EFCAB7: variants seen among roughly 807,000 people sequenced by gnomAD.
EFCAB7 encodes the protein EF-hand calcium-binding domain-containing protein 7.
Under a neutral mutation model 77.1 loss-of-function variants are expected in EFCAB7, and 66 were observed. The observed-to-expected ratio is 0.86, with a 90% confidence interval of 0.70 to 1.05. The LOEUF (loss-of-function observed/expected upper bound fraction) is 1.05. EFCAB7 is among the 50% of genes least tolerant of loss of function. EFCAB7 has a pLI of 0.00. For missense variants in EFCAB7, 638 were observed against 730.5 expected (o/e 0.87, Z 1.46); for synonymous variants, 225 against 243.3 (o/e 0.92, Z 0.70).
At chr1:63,528,172 G>T (rs984405453) in intron 2 of EFCAB7, among the ~76,000 whole-genome samples, 1 of 152,014 alleles carries the variant, frequency 6.6e-6, no homozygotes, top group Non-Finnish European at 1.5e-5. Flanking sequence ...TGGAAGCAAC[G>T]TAAGAGTTCA....
chr1:63,574,552 C>T (rs2100934994), downstream of EFCAB7, among the ~76,000 whole-genome samples: 1 of 152,274 alleles, frequency 6.6e-6, no homozygotes, highest in Non-Finnish European at 1.5e-5. Context: ...TTGTCCTGAG[C>T]AATGGGATCT....
At chr1:63,557,623 A>C (rs945793412) in intron 10 of EFCAB7, among the ~76,000 whole-genome samples, 1 of 152,216 alleles carries the variant, frequency 6.6e-6, no homozygotes, top group African/African-American at 2.4e-5. Context: ...TTTTACTCAC[A>C]AATTAAGGTT....
At chr1:63,574,979 G>T (rs1213948190), downstream of EFCAB7, among the ~76,000 whole-genome samples, 1 of 152,160 alleles carries the variant, frequency 6.6e-6, no homozygotes, top group South Asian at 2.1e-4. Context: ...TTACATGTAT[G>T]AATATTTCTG....
chr1:63,524,322 C>A (rs941400643), intron 1 of EFCAB7, among the ~76,000 whole-genome samples: 1 of 152,308 alleles, frequency 6.6e-6, no homozygotes, highest in East Asian at 1.9e-4. Context: ...TATAGTATTA[C>A]CAATTTGCAG....
At chr1:63,550,503 T>C (rs980078811) in intron 7 of EFCAB7, 2 of 152,104 alleles carry the variant, frequency 1.3e-5, no homozygotes, top group African/African-American at 4.8e-5. Context: ...CACCTTTTAT[T>C]AAGAGTTTGT....
downstream of EFCAB7, among the ~76,000 whole-genome samples, chr1:63,573,695 A>T (rs945113474): frequency 6.6e-6 from 1 of 152,292 alleles, no homozygotes; most frequent in East Asian, 1.9e-4. Context: ...GCACAGTCCA[A>T]GTTGGTCTGG....
chr1:63,573,118 T>G (rs1202907240), downstream of EFCAB7, among the ~76,000 whole-genome samples: 1 of 152,038 alleles, frequency 6.6e-6, no homozygotes, highest in South Asian at 2.1e-4. Flanking sequence ...CTTCTTATAT[T>G]AATAAGAAAA....
chr1:63,530,153 G>A (rs1161726866), intron 2 of EFCAB7, among the ~76,000 whole-genome samples: 6 of 152,152 alleles, frequency 3.9e-5, no homozygotes, highest in Non-Finnish European at 7.4e-5. Context: ...ACTTATATCT[G>A]TATTTATTAC....
chr1:63,572,406 A>G, intron 13 of EFCAB7, 36 bp from the exon 14 acceptor site: 1 of 1,547,750 alleles, frequency 6.5e-7, no homozygotes, highest in Non-Finnish European at 8.7e-7. Context: ...AACAATATAT[A>G]AAAAGAGAGT....
At chr1:63,541,222 T>C (rs1646825109) in intron 6 of EFCAB7, among the ~76,000 whole-genome samples, 1 of 152,184 alleles carries the variant, frequency 6.6e-6, no homozygotes, top group African/African-American at 2.4e-5. Flanking sequence ...AATACCATAA[T>C]GAATGCTTTA....
chr1:63,566,282 C>T (rs1274818261), intron 11 of EFCAB7, among the ~76,000 whole-genome samples: 6 of 152,050 alleles, frequency 3.9e-5, no homozygotes, highest in African/African-American at 9.7e-5. Context: ...CATTTATAAG[C>T]GGGAGCTAAA....
chr1:63,523,660 C>T (rs781256247), intron 1 of EFCAB7, 26 bp downstream of exon 1: 21 of 178,540 alleles, frequency 1.2e-4, no homozygotes, highest in East Asian at 7.4e-4. Flanking sequence ...CTGTCTCTGT[C>T]TCTTCGCTCC....
intron 6 of EFCAB7, among the ~76,000 whole-genome samples, chr1:63,541,998 T>TC (rs750249599): frequency 9.9e-5 from 15 of 152,284 alleles, no homozygotes; most frequent in Middle Eastern, 3.4e-3. Context: ...CAGTTCTGTA[T>TC]CACTAAGTAC....
chr1:63,576,508 TAAC>T (rs1363095264), downstream of EFCAB7, among the ~76,000 whole-genome samples: 2 of 150,884 alleles, frequency 1.3e-5, no homozygotes, highest in African/African-American at 2.4e-5. Flanking sequence ...AAACAAAAAA[TAAC>T]AAAGTACTTT....
chr1:63,565,460 A>G (rs1237507236), intron 11 of EFCAB7, among the ~76,000 whole-genome samples: 2 of 152,208 alleles, frequency 1.3e-5, no homozygotes, highest in African/African-American at 4.8e-5. Context: ...AATACCATTC[A>G]AGATATAGGC....
rs759195976 is a variant in EFCAB7 at position 63,525,661 on chromosome 1, C to T, written c.89C>T (p.Thr30Ile). 5 of 1,601,166 alleles carry T rather than the reference C, an allele frequency of 3.1e-6. No homozygotes were observed. The highest frequency in any genetic ancestry group is 8.5e-7 in the Non-Finnish European group (1 of 1,177,134). Reference protein sequence around the residue: ...ESPRTKKFPLTEEEIFYMNCR... With the variant: ...ESPRTKKFPLIEEEIFYMNCR... Reference sequence around the variant, plus strand: ...CCTCGAACAAAGAAATTTCCACTAACTGAAGAGGAAATATTTTATATGAAT... The same window carrying T: ...CCTCGAACAAAGAAATTTCCACTAATTGAAGAGGAAATATTTTATATGAAT... Residue 30 changes from threonine (T) to isoleucine (I), a missense_variant, in exon 2 of 14, where the codon ACT becomes ATT. Coordinates refer to ENST00000371088, the MANE Select transcript of EFCAB7 (RefSeq NM_032437.4).
chr1:63,538,391 T>A (rs962397493), intron 6 of EFCAB7, among the ~76,000 whole-genome samples: 6 of 152,184 alleles, frequency 3.9e-5, no homozygotes, highest in African/African-American at 1.4e-4. Flanking sequence ...CATTTTAGTC[T>A]AGGTCCTAGA....
intron 7 of EFCAB7, chr1:63,550,057 G>T: frequency 6.6e-6 from 1 of 152,298 alleles, no homozygotes; most frequent in East Asian, 1.9e-4. Flanking sequence ...TTGCTATAGG[G>T]TTAGATGTTG....
chr1:63,552,648 C>G (rs1646980226), intron 8 of EFCAB7, among the ~76,000 whole-genome samples: 1 of 152,152 alleles, frequency 6.6e-6, no homozygotes. Context: ...GAAGCCAATA[C>G]ATAAATGTGG....
Sources: gnomAD v4.1 joint callset for allele counts (sites outside exome capture counted in the v4.1 genomes callset) on GRCh38, gnomAD v4.1.1 for gene constraint, MANE v1.5 for transcripts, NCBI Gene and HGNC (gene_info 2026-07-23, HGNC 2026-07-21) for gene names.